The following MUC4 variants were observed in gnomAD, a reference collection of about 807,000 sequenced individuals.
The protein encoded by MUC4 is mucin-4.
Under a neutral mutation model 257.9 loss-of-function variants are expected in MUC4, and 202 were observed. That is an observed-to-expected ratio of 0.78 (90% CI 0.70 to 0.88). The LOEUF is 0.88. Among genes scored for constraint, MUC4 ranks in the 40% least tolerant of loss-of-function variants. The pLI is 0.00. For synonymous variants in MUC4, 2,351 were observed against 2,757.1 expected (o/e 0.85, Z 4.62); for missense variants, 5,976 against 6,513.7 (o/e 0.92, Z 2.84).
In MUC4 at chr3:195,762,264, C is replaced by G; in HGVS notation, c.14345-10G>C. On this transcript the variant is annotated splice_polypyrimidine_tract_variant and intron_variant, in intron 13 of 24. Coordinates refer to ENST00000463781, the MANE Select transcript of MUC4 (RefSeq NM_018406.7). ...TTGAACGTCTCCTGGCCTGGAGCATCGGGAGGCAGCGGAGAGGAAGCCAGG... is the reference window on the plus strand; with the variant it reads ...TTGAACGTCTCCTGGCCTGGAGCATGGGGAGGCAGCGGAGAGGAAGCCAGG... The G allele has an allele frequency of 6.4e-7, 1 of 1,562,884 alleles. No individual in the cohort carries two copies. Among genetic ancestry groups the G allele is most frequent in the South Asian group, 1.2e-5 (1 of 85,412 alleles).
intron 15 of MUC4, 94 bp from the exon 16 acceptor site, chr3:195,761,211 G>C (rs538409128): frequency 7.3e-6 from 9 of 1,229,464 alleles, no homozygotes; most frequent in Non-Finnish European, 1.1e-5. Context: ...GGCTTGGAGC[G>C]GGGCGGTGGG....
chr3:195,791,834 A>G (rs1733902898), intron 1 of MUC4, among the ~76,000 whole-genome samples: 1 of 152,300 alleles, frequency 6.6e-6, no homozygotes, highest in South Asian at 2.1e-4. Flanking sequence ...ATAAGACCAC[A>G]CATCTACAAC....
At chr3:195,774,127 T>A in intron 4 of MUC4, 45 bp downstream of exon 4, 1 of 1,552,616 alleles carries the variant, frequency 6.4e-7, no homozygotes, top group Non-Finnish European at 8.7e-7. Flanking sequence ...GAGAGAGAAG[T>A]GGGCCCTGGG....
At chr3:195,803,720 T>C (rs977578160) in intron 1 of MUC4, among the ~76,000 whole-genome samples, 4 of 152,198 alleles carry the variant, frequency 2.6e-5, no homozygotes, top group Non-Finnish European at 5.9e-5. Context: ...GACCGAGTGA[T>C]ATTATATGCC....
At position 195,767,979 on chromosome 3, in the gene MUC4, C is replaced by T. The variant is rs558202947; in HGVS notation, c.13529+1043G>A. On this transcript the variant is annotated intron_variant, in intron 7 of 24. Coordinates refer to ENST00000463781, the MANE Select transcript of MUC4 (RefSeq NM_018406.7). ...ACCACCACCACCACTATCGCCATCA[C>T]CGTCCCCAGGTGTGGGGTCCGAGCA... 1.3e-5 allele frequency among the ~76,000 whole-genome samples: 2 copies of T among 151,940 alleles called. 1 individual carries two copies. The highest frequency in any genetic ancestry group is 4.2e-4 in the South Asian group (2 of 4,790).
chr3:195,767,796 CCACCATCAT>C (rs1444016549), intron 7 of MUC4, among the ~76,000 whole-genome samples: 9 of 134,312 alleles, frequency 6.7e-5, no homozygotes, highest in Admixed American at 3.6e-4. Flanking sequence ...ATCATTGCCA[CCACCATCAT>C]CACCACCATC....
intron 3 of MUC4, among the ~76,000 whole-genome samples, chr3:195,774,520 C>T (rs1723897485): frequency 6.6e-6 from 1 of 152,178 alleles, no homozygotes; most frequent in South Asian, 2.1e-4. Flanking sequence ...TCTCATCCTT[C>T]CCCAGCTTGG....
intron 24 of MUC4, among the ~76,000 whole-genome samples, chr3:195,748,140 G>A (rs1394340766): frequency 6.6e-6 from 1 of 152,296 alleles, no homozygotes; most frequent in East Asian, 1.9e-4. Flanking sequence ...GGAGCCCCGG[G>A]GACTGCTGAT....
chr3:195,811,638 C>T, intron 1 of MUC4, 98 bp downstream of exon 1: 2 of 1,042,232 alleles, frequency 1.9e-6, no homozygotes, highest in Non-Finnish European at 1.5e-6. Context: ...TATTCTCTCT[C>T]TCTCTCTCTC....
In MUC4 at chr3:195,751,837, G is replaced by A. The variant is rs560234791; in HGVS notation, c.15582+536C>T. 321 of 193,014 alleles carry A rather than the reference G, an allele frequency of 1.7e-3. 7 individuals are homozygous for A. The South Asian group carries it at 0.034, about 21-fold the overall frequency. 12.0% of individuals were successfully genotyped at this position (193,014 alleles called of 1,614,324 possible). On this transcript the variant is annotated intron_variant, in intron 21 of 24. Coordinates refer to ENST00000463781, the MANE Select transcript of MUC4 (RefSeq NM_018406.7). ...GCTTGACACGCGTTATCATTTAAAC[G>A]GTGATACGGCCTGTTGACTCAGGTG... is the stretch of plus-strand genomic sequence containing the variant.
intron 16 of MUC4, 84 bp downstream of exon 16, chr3:195,760,800 A>G: frequency 8.8e-7 from 1 of 1,137,096 alleles, no homozygotes; most frequent in African/African-American, 1.5e-5. Flanking sequence ...ATGCAGATGC[A>G]CAGGGAAAAG....
chr3:195,788,975 G>A lies in MUC4; in HGVS notation c.2605C>T (p.Pro869Ser). 6.2e-7 allele frequency: 1 copy of A among 1,613,742 alleles called. No homozygotes were observed. The highest frequency in any genetic ancestry group is 8.5e-7 in the Non-Finnish European group (1 of 1,179,796). ...VSTGMASSIV[P>S]GTFHPTLSEA... ...GAGAGGGTGGGATGAAAGGTGCCGG[G>A]GACGATCGAAGACGCCATTCCTGTG... The change falls in exon 2 of 25, where the codon CCC becomes TCC. Residue 869 changes from proline to serine, a missense_variant. Physicochemically the swap from Pro to Ser is moderately conservative, Grantham distance 74. Transcript: ENST00000463781.
At chr3:195,767,898 T>TGCCACCTCCACCGCCACTACCACCAC (rs1560266350) in intron 7 of MUC4, among the ~76,000 whole-genome samples, 12 of 75,074 alleles carry the variant, frequency 1.6e-4, no homozygotes, top group African/African-American at 1.3e-3. Context: ...ACCACCACCA[T>TGCCACCTCCACCGCCACTACCACCAC]CACCACCATC....
chr3:195,768,974 C>T (rs377329422), intron 7 of MUC4, 48 bp downstream of exon 7: 5 of 1,587,306 alleles, frequency 3.1e-6, no homozygotes, highest in Non-Finnish European at 3.4e-6. Context: ...GCCGACTCTA[C>T]ACCCCTCCCT....
rs1012104320 is a variant in MUC4 at position 195,755,619 on chromosome 3, C to T, written c.15169-1247G>A. Among the ~76,000 whole-genome samples the T allele has an allele frequency of 2.0e-4, 30 of 152,188 alleles. No homozygotes were observed. Among genetic ancestry groups the T allele is most frequent in the African/African-American group, 6.7e-4 (28 of 41,524 alleles). On this transcript the variant is annotated intron_variant, in intron 18 of 24. Coordinates refer to ENST00000463781, the MANE Select transcript of MUC4 (RefSeq NM_018406.7). The surrounding 1 kb of genome is among the most constrained non-coding windows in gnomAD (Gnocchi z 5.0). Reference sequence around the variant, plus strand: ...CGCCGAGACCTCACCAAGCTCCCTGCGCTCCCCTTTCTAACTCCCTTACTG... The same window carrying T: ...CGCCGAGACCTCACCAAGCTCCCTGTGCTCCCCTTTCTAACTCCCTTACTG...
chr3:195,779,388 A>T lies in MUC4; in HGVS notation c.12192T>A (p.Pro4064=). 1 of 1,215,322 alleles carries T rather than the reference A, an allele frequency of 8.2e-7. No individual in the cohort carries two copies. The highest frequency in any genetic ancestry group is 2.0e-5 in the African/African-American group (1 of 48,872). The allele number at this position is 1,215,322 out of a possible 1,614,324, so 75.3% of individuals were successfully genotyped here. The change falls in exon 2 of 25, where the codon CCT becomes CCA. Residue 4064 remains proline, a synonymous_variant. Coordinates refer to ENST00000463781, the MANE Select transcript of MUC4 (RefSeq NM_018406.7). ...ASSLSTGHAT[P]LHVTSPSSAS... is the part of the protein sequence containing the mutation. ...CTGAGGAAGGGCTGGTGACATGAAG[A>T]GGGGTGGCGTGACCTGTGGATAATG...
chr3:195,764,953 C>T, intron 10 of MUC4, 44 bp downstream of exon 10: 1 of 1,602,594 alleles, frequency 6.2e-7, no homozygotes, highest in Non-Finnish European at 8.5e-7. Context: ...TGAGGGTCCC[C>T]TACTTGGCCG....
chr3:195,762,110 TGGTACTC>T lies in MUC4; in HGVS notation c.14482_14488del (p.Glu4828ArgfsTer41), dbSNP rs1231573825. ...ACCCAGGAGCCCCTCCGTGCGGTTC[TGGTACTC>T]GGGCGGGAGGCTGGCGGAGGCGTGG... On this transcript the variant is annotated frameshift_variant, in exon 14 of 25. Transcript: ENST00000463781. LOFTEE classifies it high-confidence loss of function. The T allele has an allele frequency of 6.2e-7, 1 of 1,605,104 alleles. No individual in the cohort carries two copies. Among genetic ancestry groups the T allele is most frequent in the Non-Finnish European group, 8.5e-7 (1 of 1,177,964 alleles).
At chr3:195,793,451 G>A (rs1311461828) in intron 1 of MUC4, among the ~76,000 whole-genome samples, 1 of 151,738 alleles carries the variant, frequency 6.6e-6, no homozygotes, top group African/African-American at 2.4e-5. Flanking sequence ...GCAGTGAGCA[G>A]ACATCATGCC....
Sources: gnomAD v4.1 joint callset for allele counts (sites outside exome capture counted in the v4.1 genomes callset) on GRCh38, gnomAD v4.1.1 for gene constraint, Gnocchi (gnomAD v3.1) non-coding constraint, MANE v1.5 for transcripts, NCBI Gene and HGNC (gene_info 2026-07-23, HGNC 2026-07-21) for gene names.